Variants in PLCB4 observed in about 807,000 individuals in gnomAD.
The protein encoded by PLCB4 is phospholipase C beta 4.
In PLCB4, 77 loss-of-function variants were observed where a neutral mutation model predicts 178.8. The observed-to-expected ratio is 0.43, with a 90% CI of 0.36 to 0.52. The LOEUF (loss-of-function observed/expected upper bound fraction) is 0.52, where lower values mean the gene tolerates loss of function less well. Among genes scored for constraint, PLCB4 ranks in the 20% least tolerant of loss-of-function variants. PLCB4 has a pLI of 0.00. For synonymous variants in PLCB4, 496 were observed against 490.8 expected, an observed-to-expected ratio of 1.01 and a Z score of -0.14; for missense variants, 1,024 against 1,453.4, an observed-to-expected ratio of 0.70 and a Z score of 4.80.
chr20:9,296,343 A>C (rs2094634732), intron 3 of PLCB4, among the ~76,000 whole-genome samples: 1 of 152,208 alleles, frequency 6.6e-6, no homozygotes, highest in Non-Finnish European at 1.5e-5. Context: ...GGCGACCATT[A>C]AAAAGTCAGG....
intron 25 of PLCB4, among the ~76,000 whole-genome samples, chr20:9,415,118 T>C (rs1374673655): frequency 6.6e-6 from 1 of 152,198 alleles, no homozygotes; most frequent in East Asian, 1.9e-4. Context: ...AAAAGTTAGG[T>C]GAATGTGGTC....
chr20:9,122,969 A>G (rs1206935502), intron 2 of PLCB4, among the ~76,000 whole-genome samples: 1 of 152,224 alleles, frequency 6.6e-6, no homozygotes, highest in Non-Finnish European at 1.5e-5. Context: ...TTTAGTGTTC[A>G]TTAAAAACAT....
chr20:9,450,130 G>C (rs1399366161), intron 32 of PLCB4, among the ~76,000 whole-genome samples: 1 of 152,154 alleles, frequency 6.6e-6, no homozygotes, highest in Non-Finnish European at 1.5e-5. Flanking sequence ...AAATGTCCCA[G>C]TTAAGATTTA....
chr20:9,450,967 A>G (rs2042734369), intron 32 of PLCB4, among the ~76,000 whole-genome samples: 1 of 152,110 alleles, frequency 6.6e-6, no homozygotes, highest in Non-Finnish European at 1.5e-5. Flanking sequence ...GTTTTCTAAT[A>G]AAGACATTGA....
intron 2 of PLCB4, among the ~76,000 whole-genome samples, chr20:9,152,086 C>T (rs1002941199): frequency 2.0e-5 from 3 of 152,110 alleles, no homozygotes; most frequent in Non-Finnish European, 4.4e-5. Context: ...AATTTCCAAG[C>T]AGCTCAGCAT....
intron 3 of PLCB4, among the ~76,000 whole-genome samples, chr20:9,282,556 A>G (rs2094503208): frequency 6.6e-6 from 1 of 151,960 alleles, no homozygotes; most frequent in African/African-American, 2.4e-5. Context: ...ATACTCTTCA[A>G]TAATATCATT....
intron 7 of PLCB4, among the ~76,000 whole-genome samples, chr20:9,356,101 A>G (rs920057260): frequency 2.8e-4 from 43 of 152,166 alleles, no homozygotes; most frequent in African/African-American, 1.0e-3. Context: ...TCTTCTTTTG[A>G]GAAGTGTTTG....
chr20:9,411,953 C>G lies in PLCB4; in HGVS notation c.2051+865C>G, dbSNP rs145167007. On this transcript the variant is annotated intron_variant, in intron 25 of 39. Transcript: ENST00000378473. ...CACTGCCAGTCAAGATAACATTTTT[C>G]AGTGGTTGTGAGTTAGGAATGACTT... 2.1e-3 allele frequency among the ~76,000 whole-genome samples: 325 copies of G among 152,272 alleles called. 2 individuals are homozygous for G. The highest frequency in any genetic ancestry group is 7.0e-3 in the African/African-American group (291 of 41,544).
intron 2 of PLCB4, among the ~76,000 whole-genome samples, chr20:9,175,328 T>C (rs1312043213): frequency 6.6e-6 from 1 of 152,226 alleles, no homozygotes; most frequent in Non-Finnish European, 1.5e-5. Flanking sequence ...TAGATCAGTT[T>C]ATGCATTCAT....
intron 19 of PLCB4, among the ~76,000 whole-genome samples, chr20:9,397,647 T>C (rs6133706): frequency 0.45 from 67,841 of 152,080 alleles, 18,337 homozygotes; most frequent in African/African-American, 0.78. Flanking sequence ...TTATAAGTGA[T>C]TCAGTTGCAT....
chr20:9,189,582 A>T (rs981753732), intron 2 of PLCB4, among the ~76,000 whole-genome samples: 1 of 152,218 alleles, frequency 6.6e-6, no homozygotes, highest in African/African-American at 2.4e-5. Context: ...ACTAGATGCC[A>T]GGAGCATACT....
chr20:9,224,476 TCTC>T (rs1351738645), intron 3 of PLCB4, among the ~76,000 whole-genome samples: 3 of 152,258 alleles, frequency 2.0e-5, no homozygotes, highest in South Asian at 4.2e-4. Flanking sequence ...CCCCAGCTGT[TCTC>T]CTCTCATTTT....
At chr20:9,264,716 G>A (rs182749521) in intron 3 of PLCB4, among the ~76,000 whole-genome samples, 1 of 152,274 alleles carries the variant, frequency 6.6e-6, no homozygotes, top group East Asian at 1.9e-4. Context: ...TTGAAGTACT[G>A]TTTCTCAACC....
intron 25 of PLCB4, among the ~76,000 whole-genome samples, chr20:9,411,787 C>T (rs2039880090): frequency 6.6e-6 from 1 of 151,948 alleles, no homozygotes; most frequent in Non-Finnish European, 1.5e-5. Context: ...CATCTGTCCC[C>T]AAACAAGTAA....
intron 3 of PLCB4, among the ~76,000 whole-genome samples, chr20:9,268,892 A>G (rs1400577624): frequency 6.6e-6 from 1 of 152,190 alleles, no homozygotes; most frequent in Non-Finnish European, 1.5e-5. Context: ...TTAGCTACAC[A>G]TCCATGACCC....
intron 7 of PLCB4, among the ~76,000 whole-genome samples, chr20:9,347,263 A>G (rs1262433122): frequency 6.6e-6 from 1 of 152,206 alleles, no homozygotes; most frequent in African/African-American, 2.4e-5. Context: ...CTACCAAAAC[A>G]TGGGCCTGAG....
Position 9,147,210 on chromosome 20 carries a change from A to G in PLCB4, c.-79+50868A>G, listed in dbSNP as rs537255775. ...AAATATGGGTTAGACAAAGTTAAAT[A>G]GACTTCTTTATTGTGGGGCTTCTAG... is the stretch of plus-strand genomic sequence containing the variant. On this transcript the variant is annotated intron_variant, in intron 2 of 39. Coordinates refer to ENST00000378473, the MANE Select transcript of PLCB4 (RefSeq NM_001377142.1). Among the ~76,000 whole-genome samples, 61 of 152,274 alleles carry G rather than the reference A, an allele frequency of 4.0e-4. 2 individuals are homozygous for G. The South Asian group carries it at 0.012, about 31-fold the overall frequency.
At chr20:9,331,109 A>T (rs1042368933) in intron 4 of PLCB4, among the ~76,000 whole-genome samples, 2 of 152,202 alleles carry the variant, frequency 1.3e-5, no homozygotes, top group African/African-American at 4.8e-5. Flanking sequence ...GGAGGCTGAC[A>T]TGCAAACCCA....
In PLCB4 at chr20:9,453,424, T is replaced by G. The variant is rs759451951; in HGVS notation, c.2958T>G (p.Thr986=). The G allele has an allele frequency of 6.2e-7, 1 of 1,611,720 alleles. No homozygotes were observed. Among genetic ancestry groups the G allele is most frequent in the Non-Finnish European group, 8.5e-7 (1 of 1,178,352 alleles). The change falls in exon 33 of 40, where the codon ACT becomes ACG. Residue 986 remains threonine (T), a synonymous_variant. Transcript: ENST00000378473. ...IVAQYDKEKS[T]HEKILEKAMK... is the part of the protein sequence containing the mutation. ...CACAGTATGACAAAGAGAAGTCGAC[T>G]CATGAGAAAATCCTAGAGAAGGCAA...
Sources: gnomAD v4.1 joint callset for allele counts (sites outside exome capture counted in the v4.1 genomes callset) on GRCh38, gnomAD v4.1.1 for gene constraint, MANE v1.5 for transcripts, NCBI Gene and HGNC (gene_info 2026-07-23, HGNC 2026-07-21) for gene names.